The following BMP8B variants were observed in gnomAD, a reference collection of about 807,000 sequenced individuals.
BMP8B encodes bone morphogenetic protein 8 (osteogenic protein 2).
In BMP8B, 17 loss-of-function variants were observed where a neutral mutation model predicts 30.3. That is an observed-to-expected ratio of 0.56 (90% CI 0.38 to 0.84). BMP8B has a LOEUF of 0.84. BMP8B is among the 40% of genes least tolerant of loss of function. The pLI, the probability that BMP8B is intolerant of heterozygous loss-of-function variation, is 0.00. For missense variants in BMP8B, 253 were observed against 494.6 expected (o/e 0.51, Z 4.63); for synonymous variants, 131 against 214.7 (o/e 0.61, Z 3.41).
intron 1 of BMP8B, among the ~76,000 whole-genome samples, chr1:39,779,226 G>A (rs1200109738): frequency 1.3e-5 from 2 of 152,222 alleles, no homozygotes; most frequent in East Asian, 1.9e-4. Context: ...GGTTCCAGGG[G>A]AGGGCCCAGG....
intron 1 of BMP8B, among the ~76,000 whole-genome samples, chr1:39,779,565 G>A (rs1650476675): frequency 6.6e-6 from 1 of 152,204 alleles, no homozygotes; most frequent in Non-Finnish European, 1.5e-5. Context: ...CTTCAGTGAC[G>A]GTCGCAGTCA....
chr1:39,760,872 T>C (rs1648869106), intron 6 of BMP8B, among the ~76,000 whole-genome samples: 1 of 151,990 alleles, frequency 6.6e-6, no homozygotes, highest in Non-Finnish European at 1.5e-5. Flanking sequence ...CTGGGGATAA[T>C]GGGAAGGAGA....
At chr1:39,771,309 G>A (rs369406165) in intron 3 of BMP8B, 100,256 of 1,424,166 alleles carry the variant, frequency 0.07, 3,809 homozygotes, top group Middle Eastern at 0.12. Flanking sequence ...CGTGCGCCTC[G>A]GGCCGCGCGT....
At chr1:39,768,236 A>C (rs917678121) in intron 3 of BMP8B, among the ~76,000 whole-genome samples, 2 of 148,280 alleles carry the variant, frequency 1.3e-5, no homozygotes, top group Admixed American at 1.3e-4. Flanking sequence ...GTCTGGTGTG[A>C]ATGATGCAGG....
chr1:39,786,002 T>C (rs1479777731), intron 1 of BMP8B, among the ~76,000 whole-genome samples: 2 of 152,136 alleles, frequency 1.3e-5, no homozygotes, highest in Non-Finnish European at 2.9e-5. Context: ...CAAGTCTTCA[T>C]GAAATGCACA....
At chr1:39,783,022 C>T (rs1569861374) in intron 1 of BMP8B, among the ~76,000 whole-genome samples, 1 of 152,046 alleles carries the variant, frequency 6.6e-6, no homozygotes, top group Non-Finnish European at 1.5e-5. Flanking sequence ...GTCTTGAACT[C>T]CTGACCTCAA....
chr1:39,782,607 A>C, intron 1 of BMP8B, among the ~76,000 whole-genome samples: 1 of 152,038 alleles, frequency 6.6e-6, no homozygotes, highest in African/African-American at 2.4e-5. Flanking sequence ...AGCTGGGATT[A>C]CAGGCGCCTG....
chr1:39,780,612 C>A (rs1650570275), intron 1 of BMP8B, among the ~76,000 whole-genome samples: 1 of 152,234 alleles, frequency 6.6e-6, no homozygotes, highest in South Asian at 2.1e-4. Flanking sequence ...ATGCAAGAGG[C>A]CAGGCGCAGT....
rs116548618 is a variant in BMP8B at position 39,780,086 on chromosome 1, A to G, written c.335-5048T>C. ...TCCCCCAGAACGAGGCATCCGAGAG[A>G]TGGAAGCCATGGTCTTTTATAGACT... is the stretch of plus-strand genomic sequence containing the variant. On this transcript the variant is annotated intron_variant, in intron 1 of 6. Transcript: ENST00000372827. Among the ~76,000 whole-genome samples, 945 of 152,282 alleles carry G rather than the reference A, an allele frequency of 6.2e-3. 10 individuals carry two copies. The highest frequency in any genetic ancestry group is 0.022 in the African/African-American group (904 of 41,548).
chr1:39,765,644 A>ACATC (rs1288049875), intron 3 of BMP8B, among the ~76,000 whole-genome samples: 1 of 94,888 alleles, frequency 1.1e-5, no homozygotes. Flanking sequence ...GCCGCTGAAA[A>ACATC]CATGATAACT....
At chr1:39,763,048 GC>G (rs112678566) in intron 6 of BMP8B, 43 bp downstream of exon 6, 2 of 1,600,730 alleles carry the variant, frequency 1.2e-6, no homozygotes, top group Non-Finnish European at 8.6e-7. Flanking sequence ...TCTCCACAGG[GC>G]CCCCCACCCC....
At chr1:39,782,164 A>AC (rs1207010982) in intron 1 of BMP8B, among the ~76,000 whole-genome samples, 1 of 151,100 alleles carries the variant, frequency 6.6e-6, no homozygotes, top group African/African-American at 2.4e-5. Flanking sequence ...AAAAAAAAAA[A>AC]ACAAAAAAAA....
At chr1:39,785,720 C>G (rs11586359) in intron 1 of BMP8B, among the ~76,000 whole-genome samples, 4 of 152,334 alleles carry the variant, frequency 2.6e-5, no homozygotes, top group South Asian at 4.1e-4. Context: ...GTAATCTCAG[C>G]TACTCGGGAG....
intron 6 of BMP8B, 51 bp from the exon 7 acceptor site, chr1:39,760,619 A>G (rs542334217): frequency 2.5e-6 from 4 of 1,585,130 alleles, no homozygotes; most frequent in African/African-American, 2.7e-5. Flanking sequence ...GGCCTCCTCC[A>G]AGGACCCACC....
At chr1:39,782,852 G>A (rs1650741924) in intron 1 of BMP8B, among the ~76,000 whole-genome samples, 1 of 152,102 alleles carries the variant, frequency 6.6e-6, no homozygotes, top group African/African-American at 2.4e-5. Context: ...TTTAGACAGA[G>A]TCTTGCTCTG....
At chr1:39,769,962 T>G in intron 3 of BMP8B, 4 of 1,558,402 alleles carry the variant, frequency 2.6e-6, no homozygotes, top group Admixed American at 1.9e-5. Context: ...ACCACTCTGG[T>G]CTTCTGACTG....
intron 1 of BMP8B, among the ~76,000 whole-genome samples, chr1:39,779,727 G>C (rs1029861611): frequency 4.6e-5 from 7 of 152,226 alleles, no homozygotes; most frequent in African/African-American, 1.7e-4. Flanking sequence ...TTTAAGCACT[G>C]ACCTGTGTCA....
rs1293457145 is a variant in BMP8B, at chr1:39,759,089, T to G, written c.*1330A>C. 4 of 152,236 alleles carry G rather than the reference T, an allele frequency of 2.6e-5. No individual in the cohort carries two copies. Among genetic ancestry groups the G allele is most frequent in the Non-Finnish European group, 5.9e-5 (4 of 68,064 alleles). 9.4% of individuals were successfully genotyped at this position (152,236 alleles called of 1,614,324 possible). On this transcript the variant is annotated 3_prime_UTR_variant, in exon 7 of 7. Coordinates refer to ENST00000372827, the MANE Select transcript of BMP8B (RefSeq NM_001720.5). The stretch of plus-strand genomic sequence containing the variant: ...ACTCTGTCTATTCCAGCAGGTAAAT[T>G]ACAGGCTTAGCAAGTCAGAAATCAA...
Position 39,788,451 on chromosome 1 carries a change from C to T in BMP8B, c.35G>A (p.Gly12Asp), listed in dbSNP as rs1651165814. ...TALPGPLWLLGLALCALGGGG... is the reference protein window; with the variant it reads ...TALPGPLWLLDLALCALGGGG... Reference sequence around the variant, plus strand: ...CCCGCCCAGCGCGCATAGCGCCAGGCCCAGGAGCCAGAGCGGGCCGGGGAG... The same window carrying T: ...CCCGCCCAGCGCGCATAGCGCCAGGTCCAGGAGCCAGAGCGGGCCGGGGAG... Residue 12 changes from glycine to aspartate, a missense_variant, in exon 1 of 7, where the codon GGC becomes GAC. Physicochemically the swap from Gly to Asp is moderately conservative, Grantham distance 94. This residue lies in a region of BMP8B where 54 missense variants were observed against 70.8 expected (regional missense o/e 0.76). Coordinates refer to ENST00000372827, the MANE Select transcript of BMP8B (RefSeq NM_001720.5). The surrounding 1 kb of genome is among the most constrained non-coding windows in gnomAD (Gnocchi z 5.8). 1.9e-6 allele frequency: 2 copies of T among 1,032,256 alleles called. No homozygotes were observed. The highest frequency in any genetic ancestry group is 8.9e-5 in the South Asian group (2 of 22,598). 63.9% of individuals were successfully genotyped at this position (1,032,256 alleles called of 1,614,324 possible). A position where few individuals can be genotyped will look rare whatever the true frequency, so the allele number is the denominator to read the frequency against.
Sources: allele counts gnomAD v4.1 joint callset (sites outside exome capture counted in the v4.1 genomes callset), GRCh38; gene constraint gnomAD v4.1.1; regional missense constraint gnomAD v4.1.1; non-coding constraint Gnocchi (gnomAD v3.1); transcripts MANE v1.5; gene names NCBI Gene and HGNC (gene_info 2026-07-23, HGNC 2026-07-21).